FIG4: variants seen among roughly 807,000 people sequenced by gnomAD.
The protein encoded by FIG4 is FIG4 phosphoinositide 5-phosphatase, also known as polyphosphoinositide phosphatase.
Under a neutral mutation model 118.6 loss-of-function variants are expected in FIG4, and 112 were observed. That is an observed-to-expected ratio of 0.94 (90% CI 0.81 to 1.11). The LOEUF (loss-of-function observed/expected upper bound fraction) is 1.11. FIG4 is among the 50% of genes least tolerant of loss of function. The probability of loss-of-function intolerance (pLI) is 0.00; values close to 1 mark genes in which losing one functional copy is unlikely to be tolerated. For missense variants in FIG4, 969 were observed against 1,111.7 expected (o/e 0.87, Z 1.83); for synonymous variants, 369 against 381.2 (o/e 0.97, Z 0.37).
chr6:109,732,567 G>T, intron 4 of FIG4, 70 bp from the exon 5 acceptor site: 1 of 804,940 alleles, frequency 1.2e-6, no homozygotes, highest in East Asian at 2.5e-5. Context: ...ATGTACATAT[G>T]GGTACATGTT....
chr6:109,698,825 G>A (rs1481083787), intron 1 of FIG4, among the ~76,000 whole-genome samples: 1 of 151,938 alleles, frequency 6.6e-6, no homozygotes, highest in Non-Finnish European at 1.5e-5. Context: ...GGATTTTGGA[G>A]GTATACCCTA....
At chr6:109,782,875 C>T (rs903329951) in intron 16 of FIG4, among the ~76,000 whole-genome samples, 4 of 152,196 alleles carry the variant, frequency 2.6e-5, no homozygotes, top group African/African-American at 7.2e-5. Context: ...CAACACATCT[C>T]GATCTCATAT....
chr6:109,705,943 A>G (rs1775053296), intron 1 of FIG4, among the ~76,000 whole-genome samples: 1 of 152,168 alleles, frequency 6.6e-6, no homozygotes, highest in African/African-American at 2.4e-5. Flanking sequence ...TAAAAGAGCC[A>G]TTTTTCTATG....
chr6:109,824,102 C>G (rs1451182783), intron 22 of FIG4, among the ~76,000 whole-genome samples: 3 of 152,178 alleles, frequency 2.0e-5, no homozygotes, highest in Admixed American at 6.5e-5. Context: ...TTCAACAAGG[C>G]CTTTCTGGAG....
At chr6:109,734,147 T>C (rs1776090786) in intron 5 of FIG4, among the ~76,000 whole-genome samples, 1 of 151,844 alleles carries the variant, frequency 6.6e-6, no homozygotes, top group Non-Finnish European at 1.5e-5. Context: ...TCAATCAAAT[T>C]ATATGAATAA....
At chr6:109,793,301 T>C (rs545611569) in intron 21 of FIG4, among the ~76,000 whole-genome samples, 2 of 152,354 alleles carry the variant, frequency 1.3e-5, no homozygotes, top group African/African-American at 4.8e-5. Flanking sequence ...TGCATCACTT[T>C]AGGTCCTGGA....
intron 22 of FIG4, among the ~76,000 whole-genome samples, chr6:109,802,261 TC>T (rs1161910053): frequency 6.6e-6 from 1 of 152,220 alleles, no homozygotes; most frequent in African/African-American, 2.4e-5. Context: ...TGCCTTCCTT[TC>T]GCTTTTCTTC....
intron 5 of FIG4, among the ~76,000 whole-genome samples, chr6:109,734,011 T>C (rs949535485): frequency 6.6e-6 from 1 of 151,986 alleles, no homozygotes; most frequent in Non-Finnish European, 1.5e-5. Context: ...AATAATTGAT[T>C]GTTAAAAATC....
chr6:109,757,062 C>G (rs1375680046), intron 10 of FIG4, among the ~76,000 whole-genome samples: 2 of 152,136 alleles, frequency 1.3e-5, no homozygotes, highest in Admixed American at 6.6e-5. Context: ...GGAGCTGTTC[C>G]TATTCGGCCA....
At chr6:109,748,833 T>C (rs1776590837) in intron 10 of FIG4, among the ~76,000 whole-genome samples, 1 of 152,072 alleles carries the variant, frequency 6.6e-6, no homozygotes, top group Non-Finnish European at 1.5e-5. Flanking sequence ...GACTTATTCA[T>C]TACCACAAGA....
chr6:109,732,646 A>T lies in FIG4; in HGVS notation c.456A>T (p.Arg152=). 1 of 1,480,646 alleles carries T rather than the reference A, an allele frequency of 6.8e-7. No homozygotes were observed. Among genetic ancestry groups the T allele is most frequent in the Non-Finnish European group, 9.4e-7 (1 of 1,068,900 alleles). The allele number at this position is 1,480,646 out of a possible 1,614,324, so 91.7% of individuals were successfully genotyped here. The change falls in exon 5 of 23, where the codon CGA becomes CGT. Residue 152 remains arginine, a synonymous_variant. Transcript: ENST00000230124. ...GTTTTTTTTTTTTTAGGTATCTACG[A>T]ATATTTCAAAATGTGGACCTATCTA... is the stretch of plus-strand genomic sequence containing the variant. ...VTHPDEARYL[R]IFQNVDLSSN... is the part of the protein sequence containing the mutation.
At chr6:109,818,149 C>CT (rs1412781112) in intron 22 of FIG4, among the ~76,000 whole-genome samples, 1 of 152,170 alleles carries the variant, frequency 6.6e-6, no homozygotes, top group East Asian at 1.9e-4. Flanking sequence ...TTTCAGTTAC[C>CT]TGAAGTACAG....
chr6:109,714,560 A>G (rs1200406567), intron 1 of FIG4, among the ~76,000 whole-genome samples: 1 of 152,228 alleles, frequency 6.6e-6, no homozygotes, highest in Non-Finnish European at 1.5e-5. Flanking sequence ...ATAAAAGGTC[A>G]TTTGGGAAGG....
At chr6:109,804,402 G>A (rs931385905) in intron 22 of FIG4, among the ~76,000 whole-genome samples, 2 of 152,086 alleles carry the variant, frequency 1.3e-5, no homozygotes, top group African/African-American at 4.8e-5. Flanking sequence ...TGAGTGTCCA[G>A]GTATGATGTA....
chr6:109,752,872 T>C (rs1239346340), intron 10 of FIG4, among the ~76,000 whole-genome samples: 1 of 152,204 alleles, frequency 6.6e-6, no homozygotes, highest in East Asian at 1.9e-4. Context: ...TTTTGGCTTT[T>C]GTTGCCATTG....
At chr6:109,783,523 T>C (rs1189166882) in intron 16 of FIG4, among the ~76,000 whole-genome samples, 1 of 152,214 alleles carries the variant, frequency 6.6e-6, no homozygotes, top group African/African-American at 2.4e-5. Context: ...ATAGAAACAG[T>C]ACTGGAATTA....
chr6:109,711,361 T>A (rs962495845), intron 1 of FIG4, among the ~76,000 whole-genome samples: 3 of 152,238 alleles, frequency 2.0e-5, no homozygotes, highest in Non-Finnish European at 2.9e-5. Flanking sequence ...ATTGCGCCAC[T>A]GCACTCCAGG....
At chr6:109,749,138 A>T (rs1482548376) in intron 10 of FIG4, among the ~76,000 whole-genome samples, 12 of 149,370 alleles carry the variant, frequency 8.0e-5, no homozygotes, top group Non-Finnish European at 1.8e-4. Context: ...TATGTCCCCA[A>T]ACTGGCAGTT....
At chr6:109,754,322 T>G (rs539177644) in intron 10 of FIG4, among the ~76,000 whole-genome samples, 1,662 of 152,286 alleles carry the variant, frequency 0.011, 15 homozygotes, top group Non-Finnish European at 0.02. Flanking sequence ...CTTTTTGATG[T>G]GTTGCTGGAT....
Sources: allele counts gnomAD v4.1 joint callset (sites outside exome capture counted in the v4.1 genomes callset), GRCh38; gene constraint gnomAD v4.1.1; transcripts MANE v1.5; gene names NCBI Gene and HGNC (gene_info 2026-07-23, HGNC 2026-07-21).